The following SYT1 variants were observed in gnomAD, a reference collection of about 807,000 sequenced individuals.
SYT1 encodes synaptotagmin-1.
A neutral mutation model predicts 44.8 loss-of-function variants in SYT1; 8 were observed. The observed-to-expected ratio is 0.18, with a 90% CI of 0.10 to 0.32. The LOEUF is 0.32. SYT1 is among the 10% of genes least tolerant of loss of function. SYT1 has a pLI of 1.00. For synonymous variants in SYT1, 154 were observed against 188.8 expected, an observed-to-expected ratio of 0.82 and a Z score of 1.51; for missense variants, 286 against 509.3, an observed-to-expected ratio of 0.56 and a Z score of 4.22.
intron 4 of SYT1, among the ~76,000 whole-genome samples, chr12:79,275,375 C>T (rs1001874417): frequency 2.3e-4 from 35 of 152,126 alleles, no homozygotes; most frequent in Non-Finnish European, 1.3e-4. Flanking sequence ...AGTGAGAGTG[C>T]ACCTGTACAC....
chr12:78,921,942 G>T (rs1391843273), intron 1 of SYT1, among the ~76,000 whole-genome samples: 1 of 151,628 alleles, frequency 6.6e-6, no homozygotes, highest in Non-Finnish European at 1.5e-5. Context: ...GCAAATTTAG[G>T]TCTAAGAGAA....
intron 3 of SYT1, among the ~76,000 whole-genome samples, chr12:79,076,365 A>T (rs1165235313): frequency 6.6e-6 from 1 of 152,184 alleles, no homozygotes; most frequent in Non-Finnish European, 1.5e-5. Context: ...ATGCCAAGAT[A>T]CATTATTTTG....
At chr12:78,873,023 T>C (rs1403375056) in intron 1 of SYT1, among the ~76,000 whole-genome samples, 3 of 151,790 alleles carry the variant, frequency 2.0e-5, no homozygotes, top group Non-Finnish European at 4.4e-5. Context: ...TTTTCTATTT[T>C]GCCATTGCAA....
chr12:79,096,892 G>A (rs1878164619), intron 3 of SYT1, among the ~76,000 whole-genome samples: 1 of 151,994 alleles, frequency 6.6e-6, no homozygotes, highest in South Asian at 2.1e-4. Context: ...AGATTAAGAG[G>A]CTGGGAAAGA....
intron 3 of SYT1, among the ~76,000 whole-genome samples, chr12:79,069,018 CA>C (rs1014921400): frequency 6.6e-5 from 10 of 152,114 alleles, no homozygotes; most frequent in African/African-American, 2.4e-4. Flanking sequence ...TAGACCATTT[CA>C]ATACTCTTCC....
chr12:79,100,069 G>A lies in SYT1; in HGVS notation c.-18+52707G>A, dbSNP rs1016577810. ...TAATAGAGTAATATATTATTCATAC[G>A]TTATATATAAGCATATTCAAAAATA... On this transcript the variant is annotated intron_variant, in intron 3 of 10. Coordinates refer to ENST00000261205, the MANE Select transcript of SYT1 (RefSeq NM_005639.3). 1.2e-4 allele frequency among the ~76,000 whole-genome samples: 18 copies of A among 152,116 alleles called. 1 individual carries two copies. The highest frequency in any genetic ancestry group is 2.1e-4 in the South Asian group (1 of 4,824).
At chr12:78,882,679 A>C (rs1874522108) in intron 1 of SYT1, among the ~76,000 whole-genome samples, 1 of 151,806 alleles carries the variant, frequency 6.6e-6, no homozygotes, top group Admixed American at 6.6e-5. Context: ...TGAAAACTTA[A>C]ACGATTTTAA....
At chr12:79,169,909 T>C (rs1408158947) in intron 3 of SYT1, among the ~76,000 whole-genome samples, 1 of 152,072 alleles carries the variant, frequency 6.6e-6, no homozygotes, top group Non-Finnish European at 1.5e-5. Flanking sequence ...CCATGTGTCC[T>C]CATCGTTTAG....
chr12:79,208,020 G>T (rs374528794), intron 3 of SYT1, among the ~76,000 whole-genome samples: 52 of 152,242 alleles, frequency 3.4e-4, no homozygotes, highest in African/African-American at 1.2e-3. Context: ...ACAAACATTT[G>T]CCTTTTAAGC....
chr12:78,953,064 A>G (rs1879045270), intron 1 of SYT1, among the ~76,000 whole-genome samples: 1 of 152,116 alleles, frequency 6.6e-6, no homozygotes, highest in Non-Finnish European at 1.5e-5. Flanking sequence ...TGGAAGCAGA[A>G]CTGTCTATTT....
intron 3 of SYT1, among the ~76,000 whole-genome samples, chr12:79,152,019 G>A (rs2082648790): frequency 6.6e-6 from 1 of 152,096 alleles, no homozygotes; most frequent in South Asian, 2.1e-4. Flanking sequence ...GGAAGAGTGA[G>A]CACAAAGCTA....
rs976312060 is a variant in SYT1, at chr12:79,021,518, A to T, written c.-83-25779A>T. Among the ~76,000 whole-genome samples the T allele has an allele frequency of 5.3e-5, 8 of 152,000 alleles. No homozygotes were observed. The East Asian group carries it at 7.8e-4, about 15-fold the overall frequency. On this transcript the variant is annotated intron_variant, in intron 2 of 10. Coordinates refer to ENST00000261205, the MANE Select transcript of SYT1 (RefSeq NM_005639.3). ...ATCTCCTTTCTTAAAAAAATCAATT[A>T]TTACTGAAAATAGTATCATAGCATC...
chr12:79,002,619 C>T (rs1341052851), intron 2 of SYT1, among the ~76,000 whole-genome samples: 8 of 151,950 alleles, frequency 5.3e-5, no homozygotes, highest in Admixed American at 5.3e-4. Context: ...ATTTAAATTC[C>T]CTGAACTCTT....
chr12:79,362,454 C>T (rs60201335), intron 9 of SYT1, among the ~76,000 whole-genome samples: 1 of 152,094 alleles, frequency 6.6e-6, no homozygotes, highest in Admixed American at 6.5e-5. Flanking sequence ...GATGTTGTCA[C>T]AGAAGATTTT....
chr12:79,044,974 C>T (rs1338244032), intron 2 of SYT1, among the ~76,000 whole-genome samples: 1 of 152,034 alleles, frequency 6.6e-6, no homozygotes, highest in Non-Finnish European at 1.5e-5. Flanking sequence ...GGCAGTCTGC[C>T]CGTTCTCAGA....
intron 2 of SYT1, among the ~76,000 whole-genome samples, chr12:79,016,098 C>A (rs1271583476): frequency 5.3e-5 from 8 of 152,098 alleles, no homozygotes; most frequent in African/African-American, 1.9e-4. Context: ...TTTAAGTTAC[C>A]ATTTCTAAAT....
In SYT1 at chr12:79,395,022, C is replaced by A. The variant is rs903667413; in HGVS notation, c.928+41403C>A. ...ATTATCTTATATTATTTTTTAAGGC[C>A]AAGATAATTTTAAAGAACTTGATAC... On this transcript the variant is annotated intron_variant, in intron 9 of 10. Transcript: ENST00000261205. Among the ~76,000 whole-genome samples, 84 of 152,006 alleles carry A rather than the reference C, an allele frequency of 5.5e-4. 1 individual carries two copies. The highest frequency in any genetic ancestry group is 2.0e-3 in the African/African-American group (82 of 41,458).
intron 1 of SYT1, among the ~76,000 whole-genome samples, chr12:78,937,992 C>T (rs1305205043): frequency 6.6e-6 from 1 of 152,000 alleles, no homozygotes; most frequent in Non-Finnish European, 1.5e-5. Flanking sequence ...GCAATGCTTA[C>T]CATACAAAGG....
At chr12:78,942,856 T>A (rs1878453030) in intron 1 of SYT1, among the ~76,000 whole-genome samples, 1 of 152,184 alleles carries the variant, frequency 6.6e-6, no homozygotes, top group South Asian at 2.1e-4. Context: ...GACAAGTTGG[T>A]TGACCCTGCA....
Sources: allele counts gnomAD v4.1 joint callset (sites outside exome capture counted in the v4.1 genomes callset), GRCh38; gene constraint gnomAD v4.1.1; transcripts MANE v1.5; gene names NCBI Gene and HGNC (gene_info 2026-07-23, HGNC 2026-07-21).